PLCB1: variants seen among roughly 807,000 people sequenced by gnomAD.
PLCB1 encodes 1-phosphatidylinositol 4,5-bisphosphate phosphodiesterase beta-1.
In PLCB1, 46 loss-of-function variants were observed where a neutral mutation model predicts 161.8. The ratio of observed to expected loss-of-function variants is 0.28; its 90% CI spans 0.22 to 0.36. PLCB1 has a LOEUF of 0.36. Among genes scored for constraint, PLCB1 ranks in the 10% least tolerant of loss-of-function variants. The pLI is 1.00. For missense variants in PLCB1, 1,016 were observed against 1,472.5 expected, an observed-to-expected ratio of 0.69 and a Z score of 5.07; for synonymous variants, 517 against 503.7, an observed-to-expected ratio of 1.03 and a Z score of -0.35.
intron 3 of PLCB1, among the ~76,000 whole-genome samples, chr20:8,391,807 A>ATATATGTGTGTGTG (rs1987607961): frequency 7.0e-6 from 1 of 141,964 alleles, no homozygotes; most frequent in African/African-American, 2.6e-5. Context: ...ATATATATAT[A>ATATATGTGTGTGTG]TATATATATA....
At chr20:8,865,842 G>A (rs8182972) in intron 31 of PLCB1, among the ~76,000 whole-genome samples, 42,704 of 152,072 alleles carry the variant, frequency 0.28, 7,321 homozygotes, top group East Asian at 0.65. Context: ...CTGCACCCAG[G>A]CACAGCAGAC....
At chr20:8,864,222 G>C (rs1987350397) in intron 31 of PLCB1, among the ~76,000 whole-genome samples, 1 of 152,174 alleles carries the variant, frequency 6.6e-6, no homozygotes, top group Non-Finnish European at 1.5e-5. Context: ...GGACAAATGT[G>C]CAAAAAGACT....
At chr20:8,376,858 G>A (rs1987103692) in intron 3 of PLCB1, among the ~76,000 whole-genome samples, 1 of 151,888 alleles carries the variant, frequency 6.6e-6, no homozygotes, top group East Asian at 1.9e-4. Flanking sequence ...AACCTGGGAG[G>A]CAGAGATTGC....
intron 3 of PLCB1, among the ~76,000 whole-genome samples, chr20:8,605,770 T>G (rs1987739996): frequency 7.2e-5 from 11 of 152,082 alleles, no homozygotes; most frequent in Admixed American, 6.5e-4. Flanking sequence ...ATCCAATAGG[T>G]AATTTTTCAA....
intron 3 of PLCB1, among the ~76,000 whole-genome samples, chr20:8,525,396 T>G (rs955150573): frequency 6.6e-6 from 1 of 152,194 alleles, no homozygotes; most frequent in Non-Finnish European, 1.5e-5. Flanking sequence ...TGAAATGTCA[T>G]AAATATCTGT....
rs143429861 is a variant in PLCB1 at position 8,444,241 on chromosome 20, C to T, written c.246+72791C>T. ...TGTGTGATGTTCCCCACCCTGTCTC[C>T]AAGTTTTCTCATTGTTCAATTCCCA... On this transcript the variant is annotated intron_variant, in intron 3 of 31. Coordinates refer to ENST00000338037, the MANE Select transcript of PLCB1 (RefSeq NM_015192.4). 5.9e-3 allele frequency among the ~76,000 whole-genome samples: 890 copies of T among 151,944 alleles called. 17 individuals are homozygous for T. In the South Asian group the frequency reaches 0.06, roughly 10 times the overall value.
rs958235341 is a variant in PLCB1, at chr20:8,801,968, G to A, written c.3423+11707G>A. 121 of 835,790 alleles carry A rather than the reference G, an allele frequency of 1.4e-4. 2 individuals are homozygous for A. Among genetic ancestry groups the A allele is most frequent in the South Asian group, 1.0e-3 (73 of 72,144 alleles). 51.8% of individuals were successfully genotyped at this position (835,790 alleles called of 1,614,324 possible). A position where few individuals can be genotyped will look rare whatever the true frequency, so the allele number is the denominator to read the frequency against. On this transcript the variant is annotated intron_variant, in intron 31 of 31. Coordinates refer to ENST00000338037, the MANE Select transcript of PLCB1 (RefSeq NM_015192.4). ...TACTCTAGAAGGCACTCCAAGAGAC[G>A]TCCCAGACAAATAATTGGAAACACC...
In PLCB1 at chr20:8,495,388, C is replaced by CTTTTTTTTTT. The variant is rs869173548; in HGVS notation, c.246+123956_246+123965dup. Among the ~76,000 whole-genome samples the CTTTTTTTTTT allele has an allele frequency of 2.0e-3, 190 of 94,342 alleles. 16 individuals are homozygous for CTTTTTTTTTT. The highest frequency in any genetic ancestry group is 8.2e-3 in the African/African-American group (183 of 22,204). The allele number at this position is 94,342 out of a possible 152,430, so 61.9% of individuals were successfully genotyped here. ...TGTGGACTTTGCCTTACCTTCCTTT[C>CTTTTTTTTTT]TTTTTTTTTTTTTTTTTTTTTTTTT... On this transcript the variant is annotated intron_variant, in intron 3 of 31. Coordinates refer to ENST00000338037, the MANE Select transcript of PLCB1 (RefSeq NM_015192.4).
At chr20:8,549,177 T>A (rs1437172900) in intron 3 of PLCB1, among the ~76,000 whole-genome samples, 1 of 152,104 alleles carries the variant, frequency 6.6e-6, no homozygotes, top group Non-Finnish European at 1.5e-5. Context: ...TAAAGAAGAA[T>A]AACCAGAAAA....
intron 31 of PLCB1, among the ~76,000 whole-genome samples, chr20:8,827,542 A>G (rs750737980): frequency 6.6e-6 from 1 of 152,248 alleles, no homozygotes; most frequent in Non-Finnish European, 1.5e-5. Flanking sequence ...TTATTGAAAA[A>G]TTGAATAAAA....
intron 3 of PLCB1, among the ~76,000 whole-genome samples, chr20:8,570,225 G>C (rs536817566): frequency 6.6e-6 from 1 of 152,204 alleles, no homozygotes; most frequent in South Asian, 2.1e-4. Flanking sequence ...AAGCCTGTCG[G>C]TGAACCCAAA....
chr20:8,314,180 A>G (rs928866066), intron 2 of PLCB1, among the ~76,000 whole-genome samples: 2 of 152,228 alleles, frequency 1.3e-5, no homozygotes, highest in Admixed American at 1.3e-4. Flanking sequence ...TTGGAGAATT[A>G]TATAAAGAAC....
intron 31 of PLCB1, among the ~76,000 whole-genome samples, chr20:8,830,324 G>A (rs1985922656): frequency 1.3e-5 from 2 of 152,368 alleles, no homozygotes; most frequent in East Asian, 3.9e-4. Context: ...ATTGCAAGAA[G>A]CATCAAGGGC....
intron 2 of PLCB1, among the ~76,000 whole-genome samples, chr20:8,205,936 A>C (rs943901892): frequency 4.6e-5 from 7 of 151,510 alleles, no homozygotes; most frequent in Non-Finnish European, 1.0e-4. Flanking sequence ...AAATGGAAAA[A>C]ATTAAATTAA....
rs1289734102 is a variant in PLCB1 at position 8,433,790 on chromosome 20, G to GCC, written c.246+62344_246+62345dup. On this transcript the variant is annotated intron_variant, in intron 3 of 31. Coordinates refer to ENST00000338037, the MANE Select transcript of PLCB1 (RefSeq NM_015192.4). ...ATCTGATAATGAAACACTGTGAATT[G>GCC]CCCCCAGGAGTGCTTTAAATGATGT... is the stretch of plus-strand genomic sequence containing the variant. 4.3e-5 allele frequency among the ~76,000 whole-genome samples: 5 copies of GCC among 116,064 alleles called. No individual in the cohort carries two copies. In the East Asian group the frequency reaches 9.8e-4, roughly 23 times the overall value. 76.1% of individuals were successfully genotyped at this position (116,064 alleles called of 152,430 possible).
chr20:8,333,491 T>C (rs1317856649), intron 2 of PLCB1, among the ~76,000 whole-genome samples: 1 of 152,176 alleles, frequency 6.6e-6, no homozygotes, highest in Non-Finnish European at 1.5e-5. Flanking sequence ...GTTTTCCAAC[T>C]AGGGGCAATA....
At chr20:8,246,360 T>C (rs1182199149) in intron 2 of PLCB1, among the ~76,000 whole-genome samples, 1 of 151,856 alleles carries the variant, frequency 6.6e-6, no homozygotes, top group Non-Finnish European at 1.5e-5. Context: ...GCTATGAAAA[T>C]AGGGGCAATT....
chr20:8,204,362 T>A (rs1978411354), intron 2 of PLCB1, among the ~76,000 whole-genome samples: 1 of 152,172 alleles, frequency 6.6e-6, no homozygotes, highest in Admixed American at 6.5e-5. Flanking sequence ...TCATTCATCC[T>A]GTCATTTCTC....
At chr20:8,390,603 A>G (rs1294248966) in intron 3 of PLCB1, among the ~76,000 whole-genome samples, 1 of 152,100 alleles carries the variant, frequency 6.6e-6, no homozygotes, top group African/African-American at 2.4e-5. Context: ...TTTTTTCTTT[A>G]TAATCAATAC....
Sources: allele counts gnomAD v4.1 joint callset (sites outside exome capture counted in the v4.1 genomes callset), GRCh38; gene constraint gnomAD v4.1.1; transcripts MANE v1.5; gene names NCBI Gene and HGNC (gene_info 2026-07-23, HGNC 2026-07-21).